The following CACUL1 variants were observed in gnomAD, a reference collection of about 807,000 sequenced individuals.
The protein encoded by CACUL1 is CDK2-associated and cullin domain-containing protein 1.
Under a neutral mutation model 45.2 loss-of-function variants are expected in CACUL1, and 13 were observed. The observed-to-expected ratio is 0.29, with a 90% CI of 0.19 to 0.46. The LOEUF (loss-of-function observed/expected upper bound fraction) is 0.46. CACUL1 is among the 20% of genes least tolerant of loss of function. The pLI is 1.00. For synonymous variants in CACUL1, 197 were observed against 174.2 expected, an observed-to-expected ratio of 1.13 and a Z score of -1.03; for missense variants, 421 against 471.4, an observed-to-expected ratio of 0.89 and a Z score of 0.99.
At chr10:118,699,547 C>T (rs1845357225) in intron 5 of CACUL1, among the ~76,000 whole-genome samples, 1 of 152,066 alleles carries the variant, frequency 6.6e-6, no homozygotes, top group Admixed American at 6.5e-5. Context: ...CAGAATTTTA[C>T]CAAGATTTCA....
At chr10:118,691,866 CA>C (rs754241223) in intron 6 of CACUL1, among the ~76,000 whole-genome samples, 13,571 of 94,414 alleles carry the variant, frequency 0.14, 474 homozygotes, top group Admixed American at 0.23. Context: ...GACTCCGTCT[CA>C]AAAAAAAAAA....
At chr10:118,722,194 C>T (rs1184818157) in intron 3 of CACUL1, among the ~76,000 whole-genome samples, 1 of 151,872 alleles carries the variant, frequency 6.6e-6, no homozygotes, top group Non-Finnish European at 1.5e-5. Flanking sequence ...AGTGATTCTC[C>T]TGCCTCAGCC....
chr10:118,720,270 A>C (rs1230176156), intron 3 of CACUL1, among the ~76,000 whole-genome samples: 5 of 152,232 alleles, frequency 3.3e-5, no homozygotes, highest in Admixed American at 3.3e-4. Flanking sequence ...GTAACTGGCT[A>C]GGTGCTATAA....
intron 3 of CACUL1, among the ~76,000 whole-genome samples, chr10:118,723,346 T>C (rs1213191394): frequency 1.3e-5 from 2 of 152,206 alleles, no homozygotes; most frequent in African/African-American, 4.8e-5. Context: ...CTTCAGAACA[T>C]TTCAAACCTT....
intron 6 of CACUL1, among the ~76,000 whole-genome samples, chr10:118,692,151 C>T (rs1484769816): frequency 6.6e-6 from 1 of 151,730 alleles, no homozygotes; most frequent in Non-Finnish European, 1.5e-5. Flanking sequence ...AAAAAAGAGG[C>T]AGCACAAAAG....
chr10:118,690,307 CAAAAAAAAA>C (rs34414146), intron 7 of CACUL1, among the ~76,000 whole-genome samples: 9 of 88,472 alleles, frequency 1.0e-4, no homozygotes, highest in East Asian at 3.3e-4. Context: ...GACTCCGTCT[CAAAAAAAAA>C]AAAAAAAAAA....
chr10:118,729,045 A>G (rs2119639725), intron 3 of CACUL1: 1 of 361,854 alleles, frequency 2.8e-6, no homozygotes. Context: ...AGAAATGTTG[A>G]CATGATAATC....
intron 5 of CACUL1, among the ~76,000 whole-genome samples, chr10:118,700,834 C>T (rs189993929): frequency 1.3e-5 from 2 of 152,086 alleles, no homozygotes; most frequent in Non-Finnish European, 2.9e-5. Flanking sequence ...AGAGAAAACT[C>T]AGGGCCACAA....
At chr10:118,743,645 C>T (rs1261659742) in intron 1 of CACUL1, among the ~76,000 whole-genome samples, 1 of 152,054 alleles carries the variant, frequency 6.6e-6, no homozygotes, top group Non-Finnish European at 1.5e-5. Flanking sequence ...AGGAGAATCA[C>T]TTGAACCCGG....
At position 118,685,446 on chromosome 10, in the gene CACUL1, G is replaced by A. The variant is rs61863911; in HGVS notation, c.*682C>T. On this transcript the variant is annotated 3_prime_UTR_variant, in exon 9 of 9. Transcript: ENST00000369151. ...CTACAGGGCCACACCTGCCATCTTG[G>A]TGGGTGAGTTTAGATACCATACACT... The A allele has an allele frequency of 8.0e-3, 1,130 of 141,402 alleles. 7 individuals are homozygous for A. The highest frequency in any genetic ancestry group is 0.014 in the Non-Finnish European group (906 of 63,016). 8.8% of individuals were successfully genotyped at this position (141,402 alleles called of 1,614,324 possible). A position where few individuals can be genotyped will look rare whatever the true frequency, so the allele number is the denominator to read the frequency against.
At chr10:118,687,329 G>T (rs1262590190) in intron 7 of CACUL1, among the ~76,000 whole-genome samples, 1 of 152,112 alleles carries the variant, frequency 6.6e-6, no homozygotes, top group Non-Finnish European at 1.5e-5. Flanking sequence ...TGTCCATTTG[G>T]ATGATTTATA....
In CACUL1 at chr10:118,678,997, T is replaced by C. The variant is rs1313893564; in HGVS notation, c.*7131A>G. 6.6e-6 allele frequency: 1 copy of C among 152,202 alleles called. No homozygotes were observed. Among genetic ancestry groups the C allele is most frequent in the Non-Finnish European group, 1.5e-5 (1 of 68,040 alleles). 9.4% of individuals were successfully genotyped at this position (152,202 alleles called of 1,614,324 possible). A position where few individuals can be genotyped will look rare whatever the true frequency, so the allele number is the denominator to read the frequency against. ...TGGTAGACTGACCTATTTCTCTTTG[T>C]AGTGTGTTCATTTTTCCTTTTTGTA... On this transcript the variant is annotated 3_prime_UTR_variant, in exon 9 of 9. Coordinates refer to ENST00000369151, the MANE Select transcript of CACUL1 (RefSeq NM_153810.5).
intron 4 of CACUL1, 82 bp from the exon 5 acceptor site, chr10:118,701,490 G>T: frequency 3.0e-6 from 2 of 671,282 alleles, no homozygotes; most frequent in Non-Finnish European, 4.7e-6. Context: ...AAATATTTTA[G>T]AAAACAATGC....
intron 4 of CACUL1, among the ~76,000 whole-genome samples, chr10:118,702,534 C>G (rs1271739004): frequency 1.3e-5 from 2 of 151,832 alleles, no homozygotes; most frequent in Non-Finnish European, 2.9e-5. Flanking sequence ...CTGTTTCTTG[C>G]AGCTGAAATC....
chr10:118,712,250 C>T (rs148109003), intron 3 of CACUL1, among the ~76,000 whole-genome samples: 80 of 152,342 alleles, frequency 5.3e-4, no homozygotes, highest in African/African-American at 1.7e-3. Flanking sequence ...GCGCTCGGCT[C>T]ATGCTACTGG....
At chr10:118,748,631 C>G (rs1845866986) in intron 1 of CACUL1, among the ~76,000 whole-genome samples, 2 of 152,140 alleles carry the variant, frequency 1.3e-5, no homozygotes, top group South Asian at 4.1e-4. Flanking sequence ...GAAATGTTCA[C>G]TGGAAAATTT....
intron 4 of CACUL1, among the ~76,000 whole-genome samples, chr10:118,706,159 CT>C (rs1845430168): frequency 6.6e-6 from 1 of 152,162 alleles, no homozygotes; most frequent in South Asian, 2.1e-4. Flanking sequence ...AGCTATTTAC[CT>C]TTTGATTCAA....
At chr10:118,744,009 G>A (rs376926657) in intron 1 of CACUL1, among the ~76,000 whole-genome samples, 28 of 152,174 alleles carry the variant, frequency 1.8e-4, no homozygotes, top group African/African-American at 2.4e-4. Flanking sequence ...GGACAGAAAT[G>A]ATAACTATCT....
chr10:118,738,427 C>T (rs1845760101), intron 1 of CACUL1, among the ~76,000 whole-genome samples: 1 of 152,116 alleles, frequency 6.6e-6, no homozygotes, highest in Non-Finnish European at 1.5e-5. Context: ...TCCTTTCATT[C>T]CAGAATGCTA....
Sources: allele counts gnomAD v4.1 joint callset (sites outside exome capture counted in the v4.1 genomes callset), GRCh38; gene constraint gnomAD v4.1.1; transcripts MANE v1.5; gene names NCBI Gene and HGNC (gene_info 2026-07-23, HGNC 2026-07-21).